Variants in MBP observed in about 807,000 individuals in gnomAD.
MBP encodes Golli-MBP.
MBP carries 16 observed loss-of-function variants against 35.8 expected under a neutral mutation model. The observed-to-expected ratio is 0.45, with a 90% CI of 0.30 to 0.68. MBP has a LOEUF of 0.68. Ranked by LOEUF, MBP falls within the 30% of genes least tolerant of loss-of-function variation. The pLI is 0.08. For synonymous variants in MBP, 143 were observed against 159.6 expected, an observed-to-expected ratio of 0.90 and a Z score of 0.78; for missense variants, 380 against 404.7, an observed-to-expected ratio of 0.94 and a Z score of 0.52.
intron 4 of MBP, among the ~76,000 whole-genome samples, chr18:76,991,983 A>G (rs879133078): frequency 6.6e-6 from 1 of 152,246 alleles, no homozygotes; most frequent in Admixed American, 6.5e-5. Context: ...GCAGCCACAA[A>G]GGACAATGTT....
chr18:77,084,037 C>A (rs1312366306), intron 2 of MBP, among the ~76,000 whole-genome samples: 1 of 151,416 alleles, frequency 6.6e-6, no homozygotes, highest in Admixed American at 6.6e-5. Flanking sequence ...CCCATAAACG[C>A]TCAGTTTATG....
At chr18:77,115,084 C>T (rs1285047177) in intron 1 of MBP, 1 of 152,252 alleles carries the variant, frequency 6.6e-6, no homozygotes, top group Admixed American at 6.5e-5. Flanking sequence ...AGGAACACTA[C>T]ACGCTGGCAC....
chr18:76,987,140 C>A (rs1171043171), intron 7 of MBP: 1 of 985,344 alleles, frequency 1.0e-6, no homozygotes, highest in East Asian at 1.1e-4. Context: ...CTGTGTGCAA[C>A]CCCCCATCGC....
At chr18:77,069,952 G>A (rs1433937835) in intron 2 of MBP, among the ~76,000 whole-genome samples, 4 of 152,140 alleles carry the variant, frequency 2.6e-5, no homozygotes, top group Non-Finnish European at 4.4e-5. Flanking sequence ...GACACAGGAC[G>A]CGTGCAGAAA....
intron 4 of MBP, chr18:77,014,706 T>A (rs939014603): frequency 1.0e-6 from 1 of 985,304 alleles, no homozygotes; most frequent in African/African-American, 1.7e-5. Flanking sequence ...TACAACACTT[T>A]GTGATAAAAT....
intron 1 of MBP, among the ~76,000 whole-genome samples, chr18:77,118,769 C>T (rs1486513755): frequency 6.7e-6 from 1 of 149,184 alleles, no homozygotes; most frequent in Admixed American, 6.7e-5. Flanking sequence ...CACACACACA[C>T]TCCAGATGCC....
At chr18:77,105,431 C>G in intron 1 of MBP, 145 bp from the exon 2 acceptor site, 1 of 546,156 alleles carries the variant, frequency 1.8e-6, no homozygotes, top group Non-Finnish European at 3.4e-6. Flanking sequence ...ACAGAAGAGA[C>G]ACGTCCAAGT....
At chr18:76,982,503 C>G (rs1969265835) in intron 8 of MBP, 1 of 152,250 alleles carries the variant, frequency 6.6e-6, no homozygotes, top group Non-Finnish European at 1.5e-5. Flanking sequence ...CACATGGAAA[C>G]AGGATGCTCC....
intron 7 of MBP, chr18:76,986,437 C>A: frequency 1.0e-6 from 1 of 985,518 alleles, no homozygotes; most frequent in South Asian, 4.7e-5. Flanking sequence ...CACCTGGCTG[C>A]ACCCTCAGCC....
At chr18:77,083,830 TGCTGAGG>T (rs1432284969) in intron 2 of MBP, among the ~76,000 whole-genome samples, 2 of 152,320 alleles carry the variant, frequency 1.3e-5, no homozygotes, top group South Asian at 2.1e-4. Context: ...AGCCGGTGAT[TGCTGAGG>T]GCTGTAGGAG....
At chr18:77,121,564 C>A (rs1207646962) in intron 1 of MBP, among the ~76,000 whole-genome samples, 1 of 152,186 alleles carries the variant, frequency 6.6e-6, no homozygotes, top group Non-Finnish European at 1.5e-5. Flanking sequence ...GAGCTTCTAA[C>A]ATCTTGCTTA....
intron 4 of MBP, among the ~76,000 whole-genome samples, chr18:77,001,916 G>T (rs115392446): frequency 6.6e-6 from 1 of 152,172 alleles, no homozygotes; most frequent in Non-Finnish European, 1.5e-5. Flanking sequence ...CCTCATGATA[G>T]TGTTCTTACT....
At chr18:77,036,576 T>C in intron 3 of MBP, among the ~76,000 whole-genome samples, 1 of 125,986 alleles carries the variant, frequency 7.9e-6, no homozygotes, top group South Asian at 2.7e-4. Flanking sequence ...GGTCACATTT[T>C]GGAGGACTGA....
At chr18:77,041,122 T>A (rs555781930) in intron 3 of MBP, among the ~76,000 whole-genome samples, 10 of 152,224 alleles carry the variant, frequency 6.6e-5, no homozygotes, top group Admixed American at 5.2e-4. Context: ...GCAAAGGATA[T>A]GAACAGACAC....
At chr18:76,990,203 G>A in intron 4 of MBP, 143 bp from the exon 5 acceptor site, 1 of 591,430 alleles carries the variant, frequency 1.7e-6, no homozygotes, top group East Asian at 2.9e-5. Flanking sequence ...AAGGACTATT[G>A]TGATAGATGG....
intron 1 of MBP, among the ~76,000 whole-genome samples, chr18:77,128,194 A>T (rs1214754878): frequency 6.6e-6 from 1 of 152,214 alleles, no homozygotes; most frequent in Non-Finnish European, 1.5e-5. Context: ...ACGGAACACC[A>T]CTAAGTAATT....
At chr18:76,997,771 CT>C (rs1414879214) in intron 4 of MBP, among the ~76,000 whole-genome samples, 4 of 151,130 alleles carry the variant, frequency 2.6e-5, no homozygotes, top group Non-Finnish European at 5.9e-5. Context: ...CAAGCTCCGC[CT>C]CCCGGGTTCA....
intron 3 of MBP, among the ~76,000 whole-genome samples, chr18:77,047,395 G>A (rs540528864): frequency 6.6e-5 from 10 of 152,350 alleles, no homozygotes; most frequent in East Asian, 1.9e-4. Context: ...AAAACACCAC[G>A]CATTTACAGG....
chr18:76,997,000 C>T (rs142053694), intron 4 of MBP, among the ~76,000 whole-genome samples: 55 of 152,318 alleles, frequency 3.6e-4, no homozygotes, highest in Middle Eastern at 3.4e-3. Context: ...GTTGGCCTCT[C>T]CTTCCGCCTC....
Sources: gnomAD v4.1 joint callset for allele counts (sites outside exome capture counted in the v4.1 genomes callset) on GRCh38, gnomAD v4.1.1 for gene constraint, MANE v1.5 for transcripts, NCBI Gene and HGNC (gene_info 2026-07-23, HGNC 2026-07-21) for gene names.